Variants in FNBP1 observed in about 807,000 individuals in gnomAD.
The protein encoded by FNBP1 is formin binding protein 1.
In FNBP1, 26 loss-of-function variants were observed where a neutral mutation model predicts 90.6. That is an observed-to-expected ratio of 0.29 (90% CI 0.21 to 0.40). The LOEUF is 0.40. Ranked by LOEUF, FNBP1 falls within the 10% of genes least tolerant of loss-of-function variation. The probability of loss-of-function intolerance (pLI) is 1.00; values close to 1 mark genes in which losing one functional copy is unlikely to be tolerated. For missense variants in FNBP1, 635 were observed against 768.0 expected, an observed-to-expected ratio of 0.83 and a Z score of 2.05; for synonymous variants, 260 against 265.2, an observed-to-expected ratio of 0.98 and a Z score of 0.19.
chr9:130,035,484 T>C (rs2059225792), intron 1 of FNBP1, among the ~76,000 whole-genome samples: 1 of 152,218 alleles, frequency 6.6e-6, no homozygotes, highest in Non-Finnish European at 1.5e-5. Flanking sequence ...ACTGTACTAA[T>C]GACTCCATCT....
chr9:130,005,445 G>C (rs1036950149), intron 1 of FNBP1, among the ~76,000 whole-genome samples: 2 of 150,324 alleles, frequency 1.3e-5, no homozygotes, highest in Non-Finnish European at 3.0e-5. Context: ...GGGTTCAAGC[G>C]ATTCTCCTGC....
Position 129,966,038 on chromosome 9 carries a change from G to A in FNBP1, c.346-7485C>T, listed in dbSNP as rs1157803995. Among the ~76,000 whole-genome samples, 1 of 152,100 alleles carries A rather than the reference G, an allele frequency of 6.6e-6. No homozygotes were observed. Among genetic ancestry groups the A allele is most frequent in the Non-Finnish European group, 1.5e-5 (1 of 68,014 alleles). On this transcript the variant is annotated intron_variant, in intron 4 of 16. Transcript: ENST00000446176. This position sits in a 1 kb window ranked among gnomAD's most constrained non-coding sequence, Gnocchi z 4.3. ...CACTGACATGCCCACTTGTGAACAG[G>A]GCTGCTCCAGGCACGAGGAAAGCTG...
rs565759362 is a variant in FNBP1 at position 129,945,789 on chromosome 9, C to A, written c.513+11571G>T. Among the ~76,000 whole-genome samples, 3 of 152,290 alleles carry A rather than the reference C, an allele frequency of 2.0e-5. No homozygotes were observed. The East Asian group carries it at 5.8e-4, about 29-fold the overall frequency. ...GATCATCATTTAAAGTAAACTCCTT[C>A]ATTCTTGCTTAAAATTGACAGATTC... is the stretch of plus-strand genomic sequence containing the variant. On this transcript the variant is annotated intron_variant, in intron 6 of 16. Coordinates refer to ENST00000446176, the MANE Select transcript of FNBP1 (RefSeq NM_015033.3).
chr9:129,929,045 G>A (rs1329294356), intron 7 of FNBP1, among the ~76,000 whole-genome samples: 9 of 151,880 alleles, frequency 5.9e-5, no homozygotes, highest in Non-Finnish European at 1.3e-4. Context: ...GCTGCAGTGG[G>A]TCGTGATTGT....
chr9:129,979,287 AT>A, intron 3 of FNBP1, 30 bp downstream of exon 3: 1 of 1,388,386 alleles, frequency 7.2e-7, no homozygotes, highest in Non-Finnish European at 1.0e-6. Context: ...GCATGTGTCT[AT>A]TACAAGACAA....
At chr9:129,911,850 T>C (rs1465652066) in intron 11 of FNBP1, among the ~76,000 whole-genome samples, 1 of 150,084 alleles carries the variant, frequency 6.7e-6, no homozygotes, top group African/African-American at 2.5e-5. Flanking sequence ...GAGAATTGCT[T>C]GAACCTGGGA....
At chr9:130,021,597 G>C (rs1487314298) in intron 1 of FNBP1, among the ~76,000 whole-genome samples, 2 of 151,908 alleles carry the variant, frequency 1.3e-5, no homozygotes, top group Non-Finnish European at 2.9e-5. Context: ...TAATGTTGTG[G>C]GTGTATTTTA....
chr9:129,920,723 T>C (rs1335392726), intron 10 of FNBP1, among the ~76,000 whole-genome samples: 1 of 152,180 alleles, frequency 6.6e-6, no homozygotes, highest in Non-Finnish European at 1.5e-5. Flanking sequence ...ACAGACTGTG[T>C]AATGTTAAGA....
At chr9:130,044,577 C>G (rs185190679), upstream of FNBP1, 1 of 152,264 alleles carries the variant, frequency 6.6e-6, no homozygotes, top group African/African-American at 2.4e-5. Flanking sequence ...TGCAGTGAGC[C>G]ATGATGGTGC....
intron 4 of FNBP1, among the ~76,000 whole-genome samples, chr9:129,969,400 G>C (rs1427822110): frequency 6.6e-6 from 1 of 152,126 alleles, no homozygotes; most frequent in Non-Finnish European, 1.5e-5. Flanking sequence ...CACACACAAT[G>C]CAAACAGCTT....
Position 129,927,860 on chromosome 9 carries a change from G to A in FNBP1, c.643-519C>T, listed in dbSNP as rs1305381711. Reference sequence around the variant, plus strand: ...GCTGGTCTCCAACTCCTTACCTCAGGTGATCCACCTGCCTAGGCCTCCAAA... The same window carrying A: ...GCTGGTCTCCAACTCCTTACCTCAGATGATCCACCTGCCTAGGCCTCCAAA... On this transcript the variant is annotated intron_variant, in intron 7 of 16. Transcript: ENST00000446176. Among the ~76,000 whole-genome samples the A allele has an allele frequency of 3.6e-4, 54 of 148,664 alleles. No homozygotes were observed. In the Admixed American group the frequency reaches 3.7e-3, roughly 10 times the overall value.
intron 1 of FNBP1, among the ~76,000 whole-genome samples, chr9:130,023,821 G>C (rs1390335134): frequency 1.3e-5 from 2 of 152,080 alleles, no homozygotes; most frequent in Non-Finnish European, 2.9e-5. Flanking sequence ...TTCCATCCAC[G>C]TGAGTGTATC....
At chr9:130,047,784 G>C (rs988748551), upstream of FNBP1, among the ~76,000 whole-genome samples, 1 of 152,106 alleles carries the variant, frequency 6.6e-6, no homozygotes, top group Non-Finnish European at 1.5e-5. Flanking sequence ...TGGCTGTGTG[G>C]TTAGAGGCAA....
Position 129,900,667 on chromosome 9 carries a change from A to C in FNBP1, c.1429-120T>G. 1 of 1,073,438 alleles carries C rather than the reference A, an allele frequency of 9.3e-7. No individual in the cohort carries two copies. The highest frequency in any genetic ancestry group is 1.2e-6 in the Non-Finnish European group (1 of 823,232). 66.5% of individuals were successfully genotyped at this position (1,073,438 alleles called of 1,614,324 possible). The stretch of plus-strand genomic sequence containing the variant: ...CGGAGCATCCTAAGGTCCCAAACTC[A>C]GGGGCTACTCTTGGCCATTTAACCC... On this transcript the variant is annotated intron_variant, in intron 13 of 16. Coordinates refer to ENST00000446176, the MANE Select transcript of FNBP1 (RefSeq NM_015033.3). The surrounding 1 kb of genome is among the most constrained non-coding windows in gnomAD (Gnocchi z 4.1).
chr9:130,036,415 T>C (rs1365351855), intron 1 of FNBP1, among the ~76,000 whole-genome samples: 2 of 152,202 alleles, frequency 1.3e-5, no homozygotes, highest in African/African-American at 4.8e-5. Context: ...TAAAACTCTT[T>C]TATGTGCTTA....
intron 1 of FNBP1, among the ~76,000 whole-genome samples, chr9:130,033,604 G>A (rs186228206): frequency 1.6e-3 from 245 of 151,492 alleles, no homozygotes; most frequent in African/African-American, 5.7e-3. Context: ...TTGGGAGGCC[G>A]AGGCCGGTGA....
intron 13 of FNBP1, among the ~76,000 whole-genome samples, chr9:129,901,483 G>A (rs891902552): frequency 2.6e-4 from 40 of 152,130 alleles, no homozygotes; most frequent in African/African-American, 9.2e-4. Flanking sequence ...GTTACAGTGA[G>A]TCGAGACTGC....
At chr9:130,022,497 G>A (rs2057938232) in intron 1 of FNBP1, among the ~76,000 whole-genome samples, 1 of 152,134 alleles carries the variant, frequency 6.6e-6, no homozygotes, top group Non-Finnish European at 1.5e-5. Context: ...GTAAGCCACC[G>A]TGCCCGACCT....
At chr9:129,911,930 CA>C (rs71497502) in intron 11 of FNBP1, among the ~76,000 whole-genome samples, 4,764 of 127,792 alleles carry the variant, frequency 0.037, 127 homozygotes, top group African/African-American at 0.083. Flanking sequence ...GATTCTGTCT[CA>C]AAAAAAAAAA....
Sources: gnomAD v4.1 joint callset for allele counts (sites outside exome capture counted in the v4.1 genomes callset) on GRCh38, gnomAD v4.1.1 for gene constraint, Gnocchi (gnomAD v3.1) non-coding constraint, MANE v1.5 for transcripts, NCBI Gene and HGNC (gene_info 2026-07-23, HGNC 2026-07-21) for gene names.